IGF2BP2: variants seen among roughly 807,000 people sequenced by gnomAD.
IGF2BP2 encodes insulin like growth factor 2 mRNA binding protein 2.
Under a neutral mutation model 75.8 loss-of-function variants are expected in IGF2BP2, and 17 were observed. The observed-to-expected ratio is 0.22, with a 90% CI of 0.15 to 0.34. The LOEUF (loss-of-function observed/expected upper bound fraction) is 0.34, where lower values mean the gene tolerates loss of function less well. Ranked by LOEUF, IGF2BP2 falls within the 10% of genes least tolerant of loss-of-function variation. The pLI, the probability that IGF2BP2 is intolerant of heterozygous loss-of-function variation, is 1.00. For synonymous variants in IGF2BP2, 288 were observed against 295.6 expected, an observed-to-expected ratio of 0.97 and a Z score of 0.26; for missense variants, 516 against 772.4, an observed-to-expected ratio of 0.67 and a Z score of 3.93.
chr3:185,778,469 T>G (rs1734803775), intron 2 of IGF2BP2, among the ~76,000 whole-genome samples: 1 of 152,164 alleles, frequency 6.6e-6, no homozygotes, highest in Admixed American at 6.6e-5. Flanking sequence ...TGAATGACAT[T>G]ATTTGGGACC....
chr3:185,687,993 G>A (rs6778126), intron 6 of IGF2BP2, among the ~76,000 whole-genome samples: 89,464 of 151,824 alleles, frequency 0.59, 26,905 homozygotes, highest in Middle Eastern at 0.71. Flanking sequence ...AGTCACTTTC[G>A]CAGTGAACTT....
chr3:185,799,024 C>T (rs755353362), intron 2 of IGF2BP2, among the ~76,000 whole-genome samples: 1 of 151,838 alleles, frequency 6.6e-6, no homozygotes, highest in Non-Finnish European at 1.5e-5. Context: ...GATCTTCCCG[C>T]CTCAGCCTCC....
intron 10 of IGF2BP2, 22 bp downstream of exon 10, chr3:185,672,519 C>G (rs750849177): frequency 1.2e-6 from 2 of 1,609,378 alleles, no homozygotes; most frequent in South Asian, 2.2e-5. Flanking sequence ...ATAAGCAAAC[C>G]TCCACAAGCT....
At chr3:185,745,025 A>G (rs1042537912) in intron 2 of IGF2BP2, among the ~76,000 whole-genome samples, 1 of 152,198 alleles carries the variant, frequency 6.6e-6, no homozygotes, top group Non-Finnish European at 1.5e-5. Context: ...AGAAAGTAAC[A>G]TCGTGTGGAG....
At chr3:185,808,725 A>ATTTTT (rs71164545) in intron 2 of IGF2BP2, among the ~76,000 whole-genome samples, 10 of 141,064 alleles carry the variant, frequency 7.1e-5, no homozygotes, top group African/African-American at 1.0e-4. Flanking sequence ...ACACCTGGCT[A>ATTTTT]TTTTTTTTTT....
chr3:185,648,070 C>A (rs962572764), intron 14 of IGF2BP2, among the ~76,000 whole-genome samples: 1 of 152,236 alleles, frequency 6.6e-6, no homozygotes, highest in African/African-American at 2.4e-5. Context: ...ACGGGGAATC[C>A]TTTGATTCCA....
rs1486937855 is a variant in IGF2BP2, at chr3:185,791,477, AG to A, written c.239+31675del. Among the ~76,000 whole-genome samples the A allele has an allele frequency of 4.6e-5, 7 of 152,340 alleles. No individual in the cohort carries two copies. In the East Asian group the frequency reaches 1.3e-3, roughly 29 times the overall value. On this transcript the variant is annotated intron_variant, in intron 2 of 15. Transcript: ENST00000382199. ...CAAGAATGGAAATGGAGAAAGTAAAAGTTTTTCTTTCTTCAACTCAACCAAA... is the reference window on the plus strand; with the variant it reads ...CAAGAATGGAAATGGAGAAAGTAAAATTTTTCTTTCTTCAACTCAACCAAA...
At chr3:185,807,396 ATGT>A (rs1362869297) in intron 2 of IGF2BP2, among the ~76,000 whole-genome samples, 2 of 152,326 alleles carry the variant, frequency 1.3e-5, no homozygotes, top group Non-Finnish European at 2.9e-5. Context: ...ATTCTACAAA[ATGT>A]TGTGAAAATT....
At chr3:185,672,764 C>T (rs895246489) in intron 9 of IGF2BP2, 95 bp from the exon 10 acceptor site, 125 of 1,402,762 alleles carry the variant, frequency 8.9e-5, no homozygotes, top group Non-Finnish European at 1.1e-4. Flanking sequence ...ATGGCACCAG[C>T]GTCTCCTAAT....
intron 10 of IGF2BP2, among the ~76,000 whole-genome samples, chr3:185,662,151 AAATT>A (rs1716552595): frequency 6.6e-6 from 1 of 152,172 alleles, no homozygotes; most frequent in South Asian, 2.1e-4. Context: ...TGGATGAGCT[AAATT>A]AATTAGTGAT....
At chr3:185,739,387 C>CT (rs898700723) in intron 2 of IGF2BP2, among the ~76,000 whole-genome samples, 50 of 152,322 alleles carry the variant, frequency 3.3e-4, no homozygotes, top group African/African-American at 1.1e-3. Flanking sequence ...TCCAATTACT[C>CT]TGTCAATTAT....
At chr3:185,685,807 A>G (rs1721041148) in intron 7 of IGF2BP2, among the ~76,000 whole-genome samples, 1 of 152,122 alleles carries the variant, frequency 6.6e-6, no homozygotes, top group Admixed American at 6.6e-5. Flanking sequence ...ATGTCTAACT[A>G]ATTTTTTAAA....
At chr3:185,671,074 TAC>T (rs1718432492) in intron 10 of IGF2BP2, among the ~76,000 whole-genome samples, 1 of 152,188 alleles carries the variant, frequency 6.6e-6, no homozygotes, top group African/African-American at 2.4e-5. Flanking sequence ...ACAGCAAAAA[TAC>T]AGAGATGTGA....
At chr3:185,796,127 A>G (rs1241463672) in intron 2 of IGF2BP2, among the ~76,000 whole-genome samples, 1 of 152,198 alleles carries the variant, frequency 6.6e-6, no homozygotes, top group Non-Finnish European at 1.5e-5. Context: ...CCTAAGGTCT[A>G]TGGATTCTGT....
At chr3:185,675,513 T>C (rs190719328) in intron 8 of IGF2BP2, 82 bp from the exon 9 acceptor site, 8 of 1,512,902 alleles carry the variant, frequency 5.3e-6, no homozygotes, top group Non-Finnish European at 6.3e-6. Flanking sequence ...CACAAACAAG[T>C]TTTGGCGGAG....
At chr3:185,720,903 C>T (rs1726428069) in intron 2 of IGF2BP2, among the ~76,000 whole-genome samples, 1 of 152,198 alleles carries the variant, frequency 6.6e-6, no homozygotes, top group Admixed American at 6.5e-5. Context: ...AAACAGTCAA[C>T]TCCATTACAG....
intron 2 of IGF2BP2, among the ~76,000 whole-genome samples, chr3:185,727,981 A>C (rs553265090): frequency 3.3e-5 from 5 of 152,170 alleles, no homozygotes; most frequent in Non-Finnish European, 7.4e-5. Flanking sequence ...TCGTGAGTTC[A>C]ACATTAATCA....
intron 10 of IGF2BP2, among the ~76,000 whole-genome samples, chr3:185,663,578 T>C (rs188859217): frequency 2.6e-5 from 4 of 152,222 alleles, no homozygotes; most frequent in Non-Finnish European, 5.9e-5. Flanking sequence ...TGTGTGACCA[T>C]CTGATACACA....
At chr3:185,733,114 T>C (rs1455077401) in intron 2 of IGF2BP2, among the ~76,000 whole-genome samples, 2 of 152,220 alleles carry the variant, frequency 1.3e-5, no homozygotes, top group Admixed American at 6.5e-5. Context: ...TTTCACAGAC[T>C]AGGCTCTGCC....
Sources: gnomAD v4.1 joint callset for allele counts (sites outside exome capture counted in the v4.1 genomes callset) on GRCh38, gnomAD v4.1.1 for gene constraint, MANE v1.5 for transcripts, NCBI Gene and HGNC (gene_info 2026-07-23, HGNC 2026-07-21) for gene names.